The following ZNF804B variants were observed in gnomAD, a reference collection of about 807,000 sequenced individuals.
ZNF804B encodes the protein zinc finger 804B.
A neutral mutation model predicts 101.4 loss-of-function variants in ZNF804B; 80 were observed. The ratio of observed to expected loss-of-function variants is 0.79; its 90% CI spans 0.66 to 0.95. ZNF804B has a LOEUF of 0.95. Among genes scored for constraint, ZNF804B ranks in the 40% least tolerant of loss-of-function variants. ZNF804B has a pLI of 0.00. For synonymous variants in ZNF804B, 622 were observed against 558.8 expected (o/e 1.11, Z -1.59); for missense variants, 1,673 against 1,561.9 (o/e 1.07, Z -1.20).
chr7:88,857,468 G>T (rs571204076), intron 1 of ZNF804B, among the ~76,000 whole-genome samples: 84 of 152,256 alleles, frequency 5.5e-4, no homozygotes, highest in African/African-American at 1.8e-3. Flanking sequence ...ACTACCATCA[G>T]AGAATACTAT....
intron 1 of ZNF804B, among the ~76,000 whole-genome samples, chr7:88,822,099 C>A (rs1333296236): frequency 6.6e-6 from 1 of 152,086 alleles, no homozygotes; most frequent in Non-Finnish European, 1.5e-5. Flanking sequence ...ACTGTAAGAC[C>A]AACTAATTAT....
chr7:88,871,280 G>A (rs1791819595), intron 1 of ZNF804B, among the ~76,000 whole-genome samples: 1 of 151,990 alleles, frequency 6.6e-6, no homozygotes, highest in African/African-American at 2.4e-5. Context: ...ATCTATTAGG[G>A]AATCTGAACT....
At chr7:88,937,845 C>G (rs993651431) in intron 1 of ZNF804B, among the ~76,000 whole-genome samples, 3 of 151,954 alleles carry the variant, frequency 2.0e-5, no homozygotes, top group Admixed American at 1.3e-4. Flanking sequence ...AAAGAAAAAA[C>G]TTTACATCTT....
intron 2 of ZNF804B, among the ~76,000 whole-genome samples, chr7:89,226,319 A>C (rs1789088162): frequency 6.6e-6 from 1 of 152,138 alleles, no homozygotes; most frequent in African/African-American, 2.4e-5. Flanking sequence ...AGGATATTTA[A>C]ACTAGAAAAA....
At chr7:88,895,455 C>G (rs1423414307) in intron 1 of ZNF804B, among the ~76,000 whole-genome samples, 1 of 152,170 alleles carries the variant, frequency 6.6e-6, no homozygotes, top group Non-Finnish European at 1.5e-5. Flanking sequence ...TAGGTATGTG[C>G]TAGTATGCAT....
At chr7:88,926,436 A>AAG (rs896519681) in intron 1 of ZNF804B, among the ~76,000 whole-genome samples, 1 of 150,762 alleles carries the variant, frequency 6.6e-6, no homozygotes, top group African/African-American at 2.4e-5. Context: ...AAAATACAAA[A>AAG]AAAAAAAAAA....
intron 1 of ZNF804B, among the ~76,000 whole-genome samples, chr7:89,075,311 T>G (rs1383622529): frequency 1.3e-5 from 2 of 152,086 alleles, no homozygotes; most frequent in Non-Finnish European, 2.9e-5. Context: ...AAAAATGGTT[T>G]CATAGGCCAG....
chr7:88,888,969 T>A (rs962929903), intron 1 of ZNF804B, among the ~76,000 whole-genome samples: 2 of 152,154 alleles, frequency 1.3e-5, no homozygotes, highest in Admixed American at 6.6e-5. Context: ...TAGTCCCCAG[T>A]GTCTGTTGTT....
At chr7:88,948,174 T>C (rs1562840955) in intron 1 of ZNF804B, among the ~76,000 whole-genome samples, 1 of 151,790 alleles carries the variant, frequency 6.6e-6, no homozygotes. Context: ...GGATGGGATT[T>C]TAAGACCCTC....
At chr7:88,780,647 A>G (rs927471294) in intron 1 of ZNF804B, among the ~76,000 whole-genome samples, 5 of 152,068 alleles carry the variant, frequency 3.3e-5, no homozygotes, top group African/African-American at 1.2e-4. Context: ...TCAGCCTCCC[A>G]AAATGCTAGG....
intron 3 of ZNF804B, among the ~76,000 whole-genome samples, chr7:89,331,479 A>G (rs1790981355): frequency 6.6e-6 from 1 of 151,794 alleles, no homozygotes; most frequent in Admixed American, 6.6e-5. Flanking sequence ...TAATGTGATG[A>G]ATAAGAACTT....
At chr7:88,886,231 T>G (rs1163718241) in intron 1 of ZNF804B, among the ~76,000 whole-genome samples, 1 of 152,124 alleles carries the variant, frequency 6.6e-6, no homozygotes. Flanking sequence ...TTAGGGATGA[T>G]ACTCTTCCTA....
intron 1 of ZNF804B, among the ~76,000 whole-genome samples, chr7:89,069,717 A>G (rs1421551774): frequency 6.6e-6 from 1 of 152,166 alleles, no homozygotes; most frequent in Non-Finnish European, 1.5e-5. Flanking sequence ...TCTGCTATAT[A>G]TCTTTTTAGT....
chr7:88,927,868 T>A (rs989945732), intron 1 of ZNF804B, among the ~76,000 whole-genome samples: 7 of 152,172 alleles, frequency 4.6e-5, no homozygotes, highest in African/African-American at 1.7e-4. Flanking sequence ...GGGTTTTTTT[T>A]AGCCATGCAT....
intron 1 of ZNF804B, among the ~76,000 whole-genome samples, chr7:89,006,629 A>G (rs1788372041): frequency 6.6e-6 from 1 of 152,090 alleles, no homozygotes; most frequent in Non-Finnish European, 1.5e-5. Flanking sequence ...TGCCATGGCC[A>G]TATTAAAGTT....
Position 88,855,616 on chromosome 7 carries a change from G to C in ZNF804B, c.108+95532G>C, listed in dbSNP as rs1007824869. Among the ~76,000 whole-genome samples the C allele has an allele frequency of 2.2e-4, 34 of 152,146 alleles. No homozygotes were observed. The Middle Eastern group carries it at 0.01, about 46-fold the overall frequency. ...AGAAGTTCTTTAGTTTAATTAGATCGCATTTGTCAATTTTGGCTTTTGTTG... is the reference window on the plus strand; with the variant it reads ...AGAAGTTCTTTAGTTTAATTAGATCCCATTTGTCAATTTTGGCTTTTGTTG... On this transcript the variant is annotated intron_variant, in intron 1 of 3. Transcript: ENST00000333190.
intron 2 of ZNF804B, among the ~76,000 whole-genome samples, chr7:89,228,874 A>G (rs901877590): frequency 7.9e-5 from 12 of 152,014 alleles, no homozygotes; most frequent in African/African-American, 2.9e-4. Flanking sequence ...AGGTAGGGGG[A>G]GGCTCAGGCA....
intron 1 of ZNF804B, among the ~76,000 whole-genome samples, chr7:89,048,203 AACACACAC>A (rs140428820): frequency 6.7e-6 from 1 of 149,696 alleles, no homozygotes; most frequent in African/African-American, 2.5e-5. Flanking sequence ...GATGTTCACA[AACACACAC>A]ACACACACAC....
At chr7:89,125,563 GC>G (rs1790465572) in intron 1 of ZNF804B, among the ~76,000 whole-genome samples, 1 of 151,768 alleles carries the variant, frequency 6.6e-6, no homozygotes, top group Non-Finnish European at 1.5e-5. Flanking sequence ...AAGAAACCAG[GC>G]TGTGGGTTTT....
Sources: gnomAD v4.1 joint callset for allele counts (sites outside exome capture counted in the v4.1 genomes callset) on GRCh38, gnomAD v4.1.1 for gene constraint, MANE v1.5 for transcripts, NCBI Gene and HGNC (gene_info 2026-07-23, HGNC 2026-07-21) for gene names.